Variants in SPINK1 observed in about 807,000 individuals in gnomAD.
SPINK1 encodes the protein serine protease inhibitor Kazal-type 1.
SPINK1 carries 5 observed loss-of-function variants against 9.5 expected under a neutral mutation model. The ratio of observed to expected loss-of-function variants is 0.52; its 90% CI spans 0.27 to 1.10. The LOEUF (loss-of-function observed/expected upper bound fraction) is 1.10. Ranked by LOEUF, SPINK1 falls within the 50% of genes least tolerant of loss-of-function variation. The pLI is 0.11. For synonymous variants in SPINK1, 37 were observed against 32.3 expected (o/e 1.14, Z -0.49); for missense variants, 88 against 92.7 (o/e 0.95, Z 0.21).
chr5:147,839,163 C>T, the SPINK1 span, among the ~76,000 whole-genome samples: 1 of 152,192 alleles, frequency 6.6e-6, no homozygotes, highest in African/African-American at 2.4e-5. Context: ...GCAAACACAT[C>T]CTTCTTCACA....
chr5:147,833,985 G>A (rs1281962300), upstream of SPINK1, among the ~76,000 whole-genome samples: 1 of 152,102 alleles, frequency 6.6e-6, no homozygotes, highest in Admixed American at 6.6e-5. Context: ...AAGGTTAAAA[G>A]GTTAAGTGGT....
At chr5:147,829,791 T>A (rs79927006) in intron 1 of SPINK1, among the ~76,000 whole-genome samples, 161 bp from the exon 2 acceptor site, 1 of 152,358 alleles carries the variant, frequency 6.6e-6, no homozygotes, top group East Asian at 1.9e-4. Context: ...AGTATCTGAC[T>A]GATTTTCCTG....
At chr5:147,833,598 C>T (rs1756546238), upstream of SPINK1, among the ~76,000 whole-genome samples, 1 of 152,142 alleles carries the variant, frequency 6.6e-6, no homozygotes, top group African/African-American at 2.4e-5. Context: ...TCAAAATAAC[C>T]TCAATCCTGG....
At chr5:147,835,670 C>T (rs962867207), upstream of SPINK1, among the ~76,000 whole-genome samples, 1 of 152,022 alleles carries the variant, frequency 6.6e-6, no homozygotes. Flanking sequence ...AAGAGAACTG[C>T]TCTAATGGAT....
rs35737774 is a variant in SPINK1 at position 147,828,042 on chromosome 5, G to A, written c.174C>T (p.Cys58=). ...CTCACCGATTTTCAAAACATAACAC[G>A]CATTCATTGGGATAAGTATTTCCAT... ...GTDGNTYPNE[C]VLCFENRKRQ... The change falls in exon 3 of 4, where the codon TGC becomes TGT. Residue 58 remains cysteine (C), a synonymous_variant. Coordinates refer to ENST00000296695, the MANE Select transcript of SPINK1 (RefSeq NM_001379610.1). 7.5e-3 allele frequency: 12,061 copies of A among 1,612,588 alleles called. 755 individuals are homozygous for A. The African/African-American group carries it at 0.14, about 19-fold the overall frequency.
chr5:147,831,748 T>A (rs950330112), upstream of SPINK1: 34 of 1,463,168 alleles, frequency 2.3e-5, no homozygotes, highest in Non-Finnish European at 3.0e-5. Flanking sequence ...TAGCCTGGCC[T>A]CCAGGTTCTG....
chr5:147,830,979 A>G (rs529767006), intron 1 of SPINK1, among the ~76,000 whole-genome samples: 1 of 152,326 alleles, frequency 6.6e-6, no homozygotes, highest in African/African-American at 2.4e-5. Flanking sequence ...CTAATAAGAA[A>G]TACCAGGAAT....
intron 1 of SPINK1, among the ~76,000 whole-genome samples, chr5:147,830,343 A>G (rs1756487426): frequency 6.6e-6 from 1 of 152,206 alleles, no homozygotes; most frequent in Non-Finnish European, 1.5e-5. Context: ...ATAGGAAATG[A>G]TAACTGTGGA....
At chr5:147,837,649 T>TCTTCTTTCTTTCTTTC in the SPINK1 span, among the ~76,000 whole-genome samples, 3 of 107,032 alleles carry the variant, frequency 2.8e-5, no homozygotes, top group African/African-American at 1.1e-4. Flanking sequence ...CATTAACTTC[T>TCTTCTTTCTTTCTTTC]TTTCTTTCTT....
the SPINK1 span, among the ~76,000 whole-genome samples, chr5:147,839,131 T>TAG: frequency 2.0e-5 from 3 of 152,182 alleles, no homozygotes; most frequent in African/African-American, 7.2e-5. Flanking sequence ...TCAGGAAACT[T>TAG]ACAATCATGG....
intron 3 of SPINK1, among the ~76,000 whole-genome samples, chr5:147,826,550 C>T (rs962081535): frequency 6.6e-6 from 1 of 152,116 alleles, no homozygotes; most frequent in African/African-American, 2.4e-5. Flanking sequence ...AAATGTTGAG[C>T]GGCACTTGGA....
intron 1 of SPINK1, among the ~76,000 whole-genome samples, chr5:147,831,156 T>A (rs144477356): frequency 1.3e-5 from 2 of 152,334 alleles, no homozygotes; most frequent in East Asian, 3.9e-4. Flanking sequence ...TTTATCTATT[T>A]TATGCAATCC....
chr5:147,825,498 G>A (rs1040129940), intron 3 of SPINK1, among the ~76,000 whole-genome samples: 9 of 150,204 alleles, frequency 6.0e-5, no homozygotes, highest in Non-Finnish European at 1.2e-4. Flanking sequence ...CTGGAGTGCA[G>A]TGGTGTGACC....
chr5:147,838,725 CT>C, the SPINK1 span, among the ~76,000 whole-genome samples: 3 of 152,276 alleles, frequency 2.0e-5, no homozygotes, highest in South Asian at 2.1e-4. Flanking sequence ...GGTTTAGAGT[CT>C]CCTGGGGTCT....
chr5:147,833,003 A>G (rs1421729892), upstream of SPINK1, among the ~76,000 whole-genome samples: 2 of 152,214 alleles, frequency 1.3e-5, no homozygotes, highest in Non-Finnish European at 2.9e-5. Context: ...AGAAAAGGAC[A>G]AGAAGGATAA....
In SPINK1 at chr5:147,828,209, T is replaced by G. The variant is rs957464088; in HGVS notation, c.88-81A>C. 12 of 1,047,508 alleles carry G rather than the reference T, an allele frequency of 1.1e-5. No individual in the cohort carries two copies. The African/African-American group carries it at 1.7e-4, about 15-fold the overall frequency. 64.9% of individuals were successfully genotyped at this position (1,047,508 alleles called of 1,614,324 possible). On this transcript the variant is annotated intron_variant, in intron 2 of 3. Coordinates refer to ENST00000296695, the MANE Select transcript of SPINK1 (RefSeq NM_001379610.1). ...AGCAAAATCTCTGAAATGGTTTTATTTCTCTGGGGAATAACTGTGATTGGG... is the reference window on the plus strand; with the variant it reads ...AGCAAAATCTCTGAAATGGTTTTATGTCTCTGGGGAATAACTGTGATTGGG...
upstream of SPINK1, among the ~76,000 whole-genome samples, chr5:147,836,207 T>C (rs183456940): frequency 6.6e-5 from 10 of 152,262 alleles, no homozygotes; most frequent in African/African-American, 2.4e-4. Context: ...ATCATTGTTA[T>C]TTCTCTTTTA....
upstream of SPINK1, among the ~76,000 whole-genome samples, chr5:147,832,239 C>T (rs1312399845): frequency 6.6e-6 from 1 of 152,110 alleles, no homozygotes; most frequent in Non-Finnish European, 1.5e-5. Flanking sequence ...TCTGTGTATT[C>T]ATCTGGAAAT....
At chr5:147,828,859 C>T (rs1259429362) in intron 2 of SPINK1, among the ~76,000 whole-genome samples, 1 of 152,110 alleles carries the variant, frequency 6.6e-6, no homozygotes, top group Non-Finnish European at 1.5e-5. Flanking sequence ...CTTTATTCTA[C>T]TACATCTCCC....
Sources: allele counts gnomAD v4.1 joint callset (sites outside exome capture counted in the v4.1 genomes callset), GRCh38; gene constraint gnomAD v4.1.1; transcripts MANE v1.5; gene names NCBI Gene and HGNC (gene_info 2026-07-23, HGNC 2026-07-21).